The following CPAMD8 variants were observed in gnomAD, a reference collection of about 807,000 sequenced individuals.
CPAMD8 encodes the protein C3 and PZP like alpha-2-macroglobulin domain containing 8, also known as C3 and PZP-like alpha-2-macroglobulin domain-containing protein 8.
CPAMD8 carries 146 observed loss-of-function variants against 224.7 expected under a neutral mutation model. The ratio of observed to expected loss-of-function variants is 0.65; its 90% CI spans 0.57 to 0.75. The LOEUF is 0.75. Ranked by LOEUF, CPAMD8 falls within the 30% of genes least tolerant of loss-of-function variation. The pLI, the probability that CPAMD8 is intolerant of heterozygous loss-of-function variation, is 0.00. For missense variants in CPAMD8, 2,301 were observed against 2,537.5 expected (o/e 0.91, Z 2.00); for synonymous variants, 966 against 1,044.6 (o/e 0.92, Z 1.45).
rs969156882 is a variant in CPAMD8 at position 16,921,891 on chromosome 19, C to A, written c.3629+14G>T. On this transcript the variant is annotated intron_variant, in intron 27 of 41. Transcript: ENST00000443236. ...GGAGCCTCAGAGGCAATGCCCAGGG[C>A]GGTGGGGACTCACCACATGCTCCCC... 1.3e-6 allele frequency: 2 copies of A among 1,527,366 alleles called. No individual in the cohort carries two copies. The highest frequency in any genetic ancestry group is 1.4e-5 in the African/African-American group (1 of 72,754). The allele number at this position is 1,527,366 out of a possible 1,614,324, so 94.6% of individuals were successfully genotyped here.
intron 11 of CPAMD8, among the ~76,000 whole-genome samples, chr19:16,994,168 A>G (rs150231279): frequency 6.6e-6 from 1 of 152,328 alleles, no homozygotes; most frequent in East Asian, 1.9e-4. Context: ...AAATAAACTC[A>G]AATGGATCAC....
Position 16,898,024 on chromosome 19 carries a change from C to T in CPAMD8, c.4849-30G>A, listed in dbSNP as rs2052099032. 2 of 1,567,692 alleles carry T rather than the reference C, an allele frequency of 1.3e-6. No individual in the cohort carries two copies. The highest frequency in any genetic ancestry group is 1.7e-6 in the Non-Finnish European group (2 of 1,152,974). On this transcript the variant is annotated intron_variant, in intron 37 of 41. Transcript: ENST00000443236. This position sits in a 1 kb window ranked among gnomAD's most constrained non-coding sequence, Gnocchi z 4.2. ...GGGGCAGCGGCGGGCGCAGGCTCGA[C>T]CCGGGCCAGGAGGCCCGGGGCGCTG...
chr19:16,943,146 G>T (rs2053961714), intron 22 of CPAMD8, among the ~76,000 whole-genome samples: 1 of 151,422 alleles, frequency 6.6e-6, no homozygotes, highest in Non-Finnish European at 1.5e-5. Context: ...CTCCTGAGGA[G>T]CTGGGACTAC....
At chr19:16,992,558 TCTC>T (rs1374569686) in intron 12 of CPAMD8, among the ~76,000 whole-genome samples, 1 of 152,096 alleles carries the variant, frequency 6.6e-6, no homozygotes, top group African/African-American at 2.4e-5. Context: ...TTCAAGCAAT[TCTC>T]CTGCCTCAGT....
At chr19:16,963,860 A>C (rs1172830104) in intron 18 of CPAMD8, among the ~76,000 whole-genome samples, 4 of 152,228 alleles carry the variant, frequency 2.6e-5, no homozygotes, top group South Asian at 4.1e-4. Context: ...CAGCACAATC[A>C]AATTAGAACT....
chr19:16,942,448 T>C (rs1266886670), intron 22 of CPAMD8, among the ~76,000 whole-genome samples: 2 of 151,970 alleles, frequency 1.3e-5, no homozygotes, highest in African/African-American at 4.8e-5. Flanking sequence ...GGCGACAGAG[T>C]GAGACTCCAT....
rs184501351 is a variant in CPAMD8, at chr19:16,959,700, C to T, written c.2214-1785G>A. On this transcript the variant is annotated intron_variant, in intron 18 of 41. Transcript: ENST00000443236. Reference sequence around the variant, plus strand: ...GGATTACAGGCGTCCACCACCATGTCCGGCTAATTTTTGTATTTTTAGTAG... The same window carrying T: ...GGATTACAGGCGTCCACCACCATGTTCGGCTAATTTTTGTATTTTTAGTAG... 2.6e-5 allele frequency among the ~76,000 whole-genome samples: 4 copies of T among 152,006 alleles called. No homozygotes were observed. The East Asian group carries it at 7.8e-4, about 30-fold the overall frequency.
At position 16,908,359 on chromosome 19, in the gene CPAMD8, T is replaced by A. The variant is rs566631570; in HGVS notation, c.3862-1242A>T. Among the ~76,000 whole-genome samples, 11 of 7,822 alleles carry A rather than the reference T, an allele frequency of 1.4e-3. No individual in the cohort carries two copies. The South Asian group carries it at 0.06, about 43-fold the overall frequency. 5.1% of individuals were successfully genotyped at this position (7,822 alleles called of 152,430 possible). A position where few individuals can be genotyped will look rare whatever the true frequency, so the allele number is the denominator to read the frequency against. On this transcript the variant is annotated intron_variant, in intron 29 of 41. Transcript: ENST00000443236. ...GCCTGGGCAACAGAGTGAGACCTCA[T>A]CTTAAAAAAAAAAAAAATAATAGAA...
At chr19:16,921,031 C>T (rs7252728) in intron 27 of CPAMD8, among the ~76,000 whole-genome samples, 75,562 of 151,676 alleles carry the variant, frequency 0.5, 20,524 homozygotes, top group Non-Finnish European at 0.61. Context: ...TGGGGCCTTG[C>T]GTTATCAGCT....
chr19:16,976,990 C>T (rs946882300), intron 15 of CPAMD8, among the ~76,000 whole-genome samples: 9 of 152,068 alleles, frequency 5.9e-5, no homozygotes, highest in Non-Finnish European at 1.3e-4. Context: ...TGCAGTGAGC[C>T]GAGATCGTGC....
At chr19:16,936,822 T>A (rs781738186) in intron 23 of CPAMD8, among the ~76,000 whole-genome samples, 1 of 152,228 alleles carries the variant, frequency 6.6e-6, no homozygotes, top group Admixed American at 6.5e-5. Flanking sequence ...TCCCAGTCTG[T>A]AGACTGTAGT....
In CPAMD8 at chr19:16,899,497, C is replaced by T. The variant is rs200054840; in HGVS notation, c.4826G>A (p.Arg1609Gln). 6.9e-5 allele frequency: 108 copies of T among 1,568,720 alleles called. 1 individual carries two copies. The Admixed American group carries it at 1.2e-3, about 17-fold the overall frequency. Residue 1609 changes from arginine (R) to glutamine (Q), a missense_variant, in exon 37 of 42, where the codon CGA (arginine) becomes CAA (glutamine). By Grantham distance (43) the Arg-to-Gln change is conservative. Around this residue, in one of 4 missense-constraint regions of CPAMD8, gnomAD observed 1,709 missense variants for 1,753.2 expected, o/e 0.97. Coordinates refer to ENST00000443236, the MANE Select transcript of CPAMD8 (RefSeq NM_015692.5). The surrounding 1 kb of genome is among the most constrained non-coding windows in gnomAD (Gnocchi z 5.4). ...TACCTCATCAAAGTAGAAGAGCACT[C>T]GGCGTCCAGCCACTTCATACCTCTT... ...GMKRYEVAGR[R>Q]VLFYFDEIPS...
Position 16,951,981 on chromosome 19 carries a change from G to A in CPAMD8, c.2496C>T (p.Gly832=), listed in dbSNP as rs1368453950. The part of the protein sequence containing the change: ...KIPLSVYNYM[G]TCAEVYMKLS... ...GGGGGCTGAGTACCTCAGCGCAGGT[G>A]CCCATGTAGTTGTAGACACTGAGCG... Residue 832 remains glycine (G), a synonymous_variant, in exon 20 of 42, where the codon GGC becomes GGT. Transcript: ENST00000443236. 8 of 1,568,346 alleles carry A rather than the reference G, an allele frequency of 5.1e-6. No homozygotes were observed. The Admixed American group carries it at 1.5e-4, about 29-fold the overall frequency.
intron 17 of CPAMD8, among the ~76,000 whole-genome samples, chr19:16,972,141 C>T (rs540241289): frequency 1.3e-5 from 2 of 152,122 alleles, no homozygotes; most frequent in African/African-American, 2.4e-5. Flanking sequence ...CAAGGACCAA[C>T]GGTGGGATGC....
intron 13 of CPAMD8, among the ~76,000 whole-genome samples, chr19:16,984,277 G>T (rs894789178): frequency 7.1e-6 from 1 of 140,914 alleles, no homozygotes. Context: ...TCACACTACT[G>T]CACCTCAGCC....
In CPAMD8 at chr19:17,002,320, G is replaced by C; in HGVS notation, c.704C>G (p.Pro235Arg). 1.2e-6 allele frequency: 2 copies of C among 1,606,408 alleles called. No homozygotes were observed. The highest frequency in any genetic ancestry group is 1.7e-6 in the Non-Finnish European group (2 of 1,175,660). ...GTCCAGGTCTTGGATATACCGGGGC[G>C]GGTCAATCAGAAGCTCAAACTTGGG... ...VLPKFELLID[P>R]PRYIQDLDAC... Residue 235 changes from proline to arginine, a missense_variant, in exon 9 of 42, where the codon CCG becomes CGG. By Grantham distance (103) the Pro-to-Arg change is moderately radical. Coordinates refer to ENST00000443236, the MANE Select transcript of CPAMD8 (RefSeq NM_015692.5).
At chr19:16,987,250 A>C (rs1156683628) in intron 13 of CPAMD8, among the ~76,000 whole-genome samples, 1 of 145,502 alleles carries the variant, frequency 6.9e-6, no homozygotes, top group African/African-American at 2.6e-5. Flanking sequence ...ACACATGTAC[A>C]CAGCATATCC....
chr19:16,909,924 T>TCA, intron 29 of CPAMD8, among the ~76,000 whole-genome samples: 1 of 151,488 alleles, frequency 6.6e-6, no homozygotes, highest in South Asian at 2.1e-4. Context: ...CAATCTTAAC[T>TCA]CACTGCAACC....
In CPAMD8 at chr19:16,899,607, C is replaced by A. The variant is rs747640444; in HGVS notation, c.4774-58G>T. On this transcript the variant is annotated intron_variant, in intron 36 of 41. Transcript: ENST00000443236. The surrounding 1 kb of genome is among the most constrained non-coding windows in gnomAD (Gnocchi z 5.4). ...ACTCTCTACTTGCTTCCTCTCCCAT[C>A]CCCTGGGGGCAGTGGTCAGTGGGAT... 14 of 837,770 alleles carry A rather than the reference C, an allele frequency of 1.7e-5. No individual in the cohort carries two copies. The highest frequency in any genetic ancestry group is 2.3e-4 in the Middle Eastern group (1 of 4,444). 51.9% of individuals were successfully genotyped at this position (837,770 alleles called of 1,614,324 possible). A position where few individuals can be genotyped will look rare whatever the true frequency, so the allele number is the denominator to read the frequency against.
Sources: allele counts gnomAD v4.1 joint callset (sites outside exome capture counted in the v4.1 genomes callset), GRCh38; gene constraint gnomAD v4.1.1; regional missense constraint gnomAD v4.1.1; non-coding constraint Gnocchi (gnomAD v3.1); transcripts MANE v1.5; gene names NCBI Gene and HGNC (gene_info 2026-07-23, HGNC 2026-07-21).